GRM8: variants seen among roughly 807,000 people sequenced by gnomAD.
The protein encoded by GRM8 is metabotropic glutamate receptor 8.
GRM8 carries 47 observed loss-of-function variants against 87.2 expected under a neutral mutation model. The observed-to-expected ratio is 0.54, with a 90% CI of 0.43 to 0.69. The LOEUF is 0.69. Ranked by LOEUF, GRM8 falls within the 30% of genes least tolerant of loss-of-function variation. The pLI is 0.00. For synonymous variants in GRM8, 396 were observed against 404.5 expected, an observed-to-expected ratio of 0.98 and a Z score of 0.25; for missense variants, 1,019 against 1,139.2, an observed-to-expected ratio of 0.89 and a Z score of 1.52.
intron 3 of GRM8, among the ~76,000 whole-genome samples, chr7:127,106,231 C>A (rs920332947): frequency 1.3e-5 from 2 of 152,156 alleles, no homozygotes; most frequent in African/African-American, 4.8e-5. Flanking sequence ...CCAGCAAACT[C>A]CCTTGTCAAA....
At chr7:126,898,496 G>A (rs751579657) in intron 6 of GRM8, among the ~76,000 whole-genome samples, 5 of 152,154 alleles carry the variant, frequency 3.3e-5, no homozygotes, top group African/African-American at 1.2e-4. Flanking sequence ...ATGAAAATCT[G>A]TTTACTGACC....
intron 7 of GRM8, among the ~76,000 whole-genome samples, chr7:126,699,803 C>T (rs1193834763): frequency 6.6e-6 from 1 of 152,134 alleles, no homozygotes; most frequent in African/African-American, 2.4e-5. Flanking sequence ...TAGAGGCATG[C>T]TTGCCTAAGC....
At chr7:126,897,622 C>G (rs1432482743) in intron 6 of GRM8, among the ~76,000 whole-genome samples, 2 of 151,964 alleles carry the variant, frequency 1.3e-5, no homozygotes, top group African/African-American at 2.4e-5. Flanking sequence ...TAAAATAACA[C>G]CCATCACCAC....
intron 6 of GRM8, among the ~76,000 whole-genome samples, chr7:126,883,362 A>G (rs975544375): frequency 4.1e-4 from 63 of 152,182 alleles, no homozygotes; most frequent in Admixed American, 4.6e-4. Flanking sequence ...AACGACATGC[A>G]TAAGTCATTT....
chr7:126,914,088 C>A (rs903901482), intron 3 of GRM8, among the ~76,000 whole-genome samples: 4 of 152,120 alleles, frequency 2.6e-5, no homozygotes, highest in African/African-American at 7.2e-5. Flanking sequence ...GAAATAAAGA[C>A]AATCCACTGT....
chr7:127,228,003 G>A (rs114122336), intron 2 of GRM8, among the ~76,000 whole-genome samples: 2 of 152,214 alleles, frequency 1.3e-5, no homozygotes, highest in Non-Finnish European at 2.9e-5. Flanking sequence ...CCTGCTCAAA[G>A]GCAGTCTTTT....
At chr7:127,157,804 C>T (rs1010301864) in intron 2 of GRM8, among the ~76,000 whole-genome samples, 5 of 152,012 alleles carry the variant, frequency 3.3e-5, no homozygotes, top group Non-Finnish European at 5.9e-5. Flanking sequence ...CATTCACACG[C>T]AAAACAATAC....
intron 9 of GRM8, among the ~76,000 whole-genome samples, chr7:126,525,607 C>A (rs1038000800): frequency 2.0e-5 from 3 of 152,170 alleles, no homozygotes; most frequent in African/African-American, 4.8e-5. Flanking sequence ...ATAGTAAGAA[C>A]CACTTATGCA....
intron 2 of GRM8, among the ~76,000 whole-genome samples, chr7:127,143,102 A>G (rs780646543): frequency 7.2e-5 from 11 of 152,086 alleles, no homozygotes; most frequent in Non-Finnish European, 8.8e-5. Context: ...CTTTAAGATT[A>G]AGCATGGCTT....
chr7:126,703,724 T>C lies in GRM8; in HGVS notation c.1357+66141A>G, dbSNP rs148812106. Among the ~76,000 whole-genome samples the C allele has an allele frequency of 7.5e-3, 1,142 of 152,286 alleles. 16 individuals are homozygous for C. Among genetic ancestry groups the C allele is most frequent in the African/African-American group, 0.026 (1,062 of 41,556 alleles). ...ACAGGTGTGCTCTGCCATACCTGGC[T>C]AATTTTTAAAATTTTTTTCTTGAGA... On this transcript the variant is annotated intron_variant, in intron 7 of 10. Coordinates refer to ENST00000339582, the MANE Select transcript of GRM8 (RefSeq NM_000845.3).
At chr7:127,190,580 GA>G (rs1467655008) in intron 2 of GRM8, among the ~76,000 whole-genome samples, 1 of 151,704 alleles carries the variant, frequency 6.6e-6, no homozygotes, top group Non-Finnish European at 1.5e-5. Flanking sequence ...CAGTGGAAAT[GA>G]ACTGTAAAGT....
intron 7 of GRM8, among the ~76,000 whole-genome samples, chr7:126,630,531 A>C (rs376659984): frequency 2.0e-5 from 3 of 152,236 alleles, no homozygotes; most frequent in East Asian, 3.9e-4. Context: ...TAAGTCGTTA[A>C]ATGAGGCCAG....
chr7:127,200,724 T>C (rs1795541644), intron 2 of GRM8, among the ~76,000 whole-genome samples: 1 of 152,242 alleles, frequency 6.6e-6, no homozygotes, highest in South Asian at 2.1e-4. Context: ...TTCGCCCCTG[T>C]GTGTGTGTTT....
rs1798398346 is a variant in GRM8, at chr7:127,243,051, A to C, written c.154T>G (p.Phe52Val). Residue 52 changes from phenylalanine to valine, a missense_variant, in exon 2 of 11, where the codon TTC (phenylalanine) becomes GTC (valine). Phe to Val is a conservative substitution (Grantham distance 50, BLOSUM62 -1). Coordinates refer to ENST00000339582, the MANE Select transcript of GRM8 (RefSeq NM_000845.3). The stretch of plus-strand genomic sequence containing the variant: ...CTCTCTCCCTTTGCGTGGACAGGGA[A>C]GAGACCCCCCAAAATAATGTCCCCA... ...VDGDIILGGL[F>V]PVHAKGERGV... 1 of 1,613,944 alleles carries C rather than the reference A, an allele frequency of 6.2e-7. No homozygotes were observed. The highest frequency in any genetic ancestry group is 8.5e-7 in the Non-Finnish European group (1 of 1,179,962).
intron 9 of GRM8, among the ~76,000 whole-genome samples, chr7:126,516,660 C>A (rs567375944): frequency 1.2e-4 from 19 of 152,118 alleles, no homozygotes; most frequent in African/African-American, 4.3e-4. Flanking sequence ...CATGGCACCA[C>A]TTTAAATTAG....
chr7:126,481,897 T>C (rs1164511665), intron 9 of GRM8, among the ~76,000 whole-genome samples: 1 of 152,092 alleles, frequency 6.6e-6, no homozygotes, highest in Non-Finnish European at 1.5e-5. Flanking sequence ...GAGCTTTCTG[T>C]GTCACTTTTA....
chr7:127,178,061 C>G (rs930882019), intron 2 of GRM8, among the ~76,000 whole-genome samples: 5 of 151,964 alleles, frequency 3.3e-5, no homozygotes, highest in Non-Finnish European at 5.9e-5. Flanking sequence ...CAGGGAAGGA[C>G]CAGAGAAAGG....
chr7:126,894,015 A>G (rs747370966), intron 6 of GRM8, among the ~76,000 whole-genome samples: 5 of 152,106 alleles, frequency 3.3e-5, no homozygotes, highest in African/African-American at 1.2e-4. Flanking sequence ...AAAGAATCCC[A>G]AGATAAAACA....
intron 7 of GRM8, among the ~76,000 whole-genome samples, chr7:126,752,078 C>T (rs1816486303): frequency 6.6e-6 from 1 of 152,126 alleles, no homozygotes; most frequent in Non-Finnish European, 1.5e-5. Context: ...GGGAGGAATT[C>T]AATGATGAGA....
Sources: gnomAD v4.1 joint callset for allele counts (sites outside exome capture counted in the v4.1 genomes callset) on GRCh38, gnomAD v4.1.1 for gene constraint, MANE v1.5 for transcripts, NCBI Gene and HGNC (gene_info 2026-07-23, HGNC 2026-07-21) for gene names.